Variants in CHST3 observed in about 807,000 individuals in gnomAD.
CHST3 encodes the protein C6ST-1.
In CHST3, 20 loss-of-function variants were observed where a neutral mutation model predicts 35.4. That is an observed-to-expected ratio of 0.57 (90% CI 0.40 to 0.82). The LOEUF is 0.82. Among genes scored for constraint, CHST3 ranks in the 40% least tolerant of loss-of-function variants. The pLI, the probability that CHST3 is intolerant of heterozygous loss-of-function variation, is 0.00. For missense variants in CHST3, 693 were observed against 670.1 expected, an observed-to-expected ratio of 1.03 and a Z score of -0.38; for synonymous variants, 334 against 295.9, an observed-to-expected ratio of 1.13 and a Z score of -1.32.
chr10:71,971,172 G>A (rs1202873354), intron 1 of CHST3, among the ~76,000 whole-genome samples: 1 of 152,176 alleles, frequency 6.6e-6, no homozygotes, highest in East Asian at 1.9e-4. Flanking sequence ...GGCCCTTCTC[G>A]TTCTCTGTGG....
At chr10:71,992,494 A>G (rs1839905759) in intron 1 of CHST3, among the ~76,000 whole-genome samples, 1 of 151,520 alleles carries the variant, frequency 6.6e-6, no homozygotes, top group Non-Finnish European at 1.5e-5. Flanking sequence ...AATTTCTTAA[A>G]ATAACACAAC....
At chr10:71,992,313 A>G (rs1839904050) in intron 1 of CHST3, among the ~76,000 whole-genome samples, 1 of 152,040 alleles carries the variant, frequency 6.6e-6, no homozygotes. Flanking sequence ...GAGTAGTTGG[A>G]ACCACAAGTG....
intron 1 of CHST3, among the ~76,000 whole-genome samples, chr10:71,984,638 G>A (rs374182623): frequency 1.2e-4 from 18 of 152,332 alleles, no homozygotes; most frequent in East Asian, 7.7e-4. Context: ...CCTGTGTTCC[G>A]ATCCCAGCTC....
chr10:71,972,742 C>T (rs895438570), intron 1 of CHST3, among the ~76,000 whole-genome samples: 3 of 152,222 alleles, frequency 2.0e-5, no homozygotes, highest in Admixed American at 6.5e-5. Flanking sequence ...CCAAATTGTC[C>T]TAATTTCCCA....
chr10:71,997,269 G>A (rs980009649), intron 1 of CHST3, among the ~76,000 whole-genome samples: 3 of 152,052 alleles, frequency 2.0e-5, no homozygotes, highest in Admixed American at 1.3e-4. Context: ...TGATTTTGGC[G>A]CTCTGGGTAC....
intron 1 of CHST3, among the ~76,000 whole-genome samples, chr10:71,981,053 A>G (rs368419056): frequency 6.6e-6 from 1 of 152,206 alleles, no homozygotes; most frequent in East Asian, 1.9e-4. Context: ...AGGCAATGAA[A>G]GGCGCTATTT....
At chr10:71,974,362 T>C (rs1349349466) in intron 1 of CHST3, among the ~76,000 whole-genome samples, 1 of 152,128 alleles carries the variant, frequency 6.6e-6, no homozygotes, top group East Asian at 1.9e-4. Context: ...AGAGGTTGAG[T>C]AACCTGCCTA....
At chr10:71,979,084 A>G (rs1429916580) in intron 1 of CHST3, among the ~76,000 whole-genome samples, 1 of 152,200 alleles carries the variant, frequency 6.6e-6, no homozygotes, top group African/African-American at 2.4e-5. Flanking sequence ...ATACAGCGAT[A>G]GCGCACACGT....
Position 72,007,329 on chromosome 10 carries a change from C to T in CHST3, c.298C>T (p.Gln100Ter), listed in dbSNP as rs1445552586. 1 of 1,611,008 alleles carries T rather than the reference C, an allele frequency of 6.2e-7. No individual in the cohort carries two copies. Among genetic ancestry groups the T allele is most frequent in the Non-Finnish European group, 8.5e-7 (1 of 1,178,676 alleles). The change falls in exon 3 of 3, where the codon CAG becomes TAG. Residue 100 changes from glutamine to a stop codon, truncating the protein, a stop_gained. Transcript: ENST00000373115. LOFTEE classifies it high-confidence loss of function. ...LQSRLRNLSL[Q>*]LGVEPAMEAA... is the part of the protein sequence containing the mutation. ...GAGCCGTCTCCGCAACCTCAGCTTGCAGCTGGGCGTGGAGCCAGCCATGGA... is the reference window on the plus strand; with the variant it reads ...GAGCCGTCTCCGCAACCTCAGCTTGTAGCTGGGCGTGGAGCCAGCCATGGA...
At chr10:72,007,098 G>T in intron 2 of CHST3, 74 bp from the exon 3 acceptor site, 2 of 1,537,572 alleles carry the variant, frequency 1.3e-6, no homozygotes, top group Non-Finnish European at 1.8e-6. Context: ...GATCTGCTTG[G>T]AGGACTGCTT....
intron 1 of CHST3, among the ~76,000 whole-genome samples, chr10:71,993,065 A>ATGCGTTTTCTTTGCG (rs1429071623): frequency 1.3e-5 from 2 of 152,196 alleles, no homozygotes; most frequent in African/African-American, 4.8e-5. Flanking sequence ...TTTTCTTAAA[A>ATGCGTTTTCTTTGCG]TATTATGAGA....
chr10:71,989,206 A>G, intron 1 of CHST3, among the ~76,000 whole-genome samples: 1 of 152,112 alleles, frequency 6.6e-6, no homozygotes, highest in East Asian at 1.9e-4. Flanking sequence ...GAAGGAGAAA[A>G]TAATTTGCCA....
At chr10:71,981,071 G>T (rs2131745608) in intron 1 of CHST3, among the ~76,000 whole-genome samples, 1 of 152,292 alleles carries the variant, frequency 6.6e-6, no homozygotes, top group South Asian at 2.1e-4. Flanking sequence ...TTTAGCATGT[G>T]GGTTTCAACT....
Position 72,009,538 on chromosome 10 carries a change from C to T in CHST3, c.*1067C>T, listed in dbSNP as rs906007154. ...CTGGCAGGCAGAAGCAGCTGTGGTC[C>T]CTGGAGGCAAAAGGCAGCTCACGGG... is the stretch of plus-strand genomic sequence containing the variant. On this transcript the variant is annotated 3_prime_UTR_variant, in exon 3 of 3. Transcript: ENST00000373115. 2 of 152,264 alleles carry T rather than the reference C, an allele frequency of 1.3e-5. No homozygotes were observed. The highest frequency in any genetic ancestry group is 4.8e-5 in the African/African-American group (2 of 41,446). 9.4% of individuals were successfully genotyped at this position (152,264 alleles called of 1,614,324 possible).
chr10:71,993,903 C>A (rs981952078), intron 1 of CHST3, among the ~76,000 whole-genome samples: 1 of 152,124 alleles, frequency 6.6e-6, no homozygotes, highest in African/African-American at 2.4e-5. Flanking sequence ...AGTTCAAGAC[C>A]AGCCTGGCCA....
chr10:72,006,387 T>G (rs1371026367), intron 2 of CHST3, among the ~76,000 whole-genome samples: 1 of 152,258 alleles, frequency 6.6e-6, no homozygotes, highest in Non-Finnish European at 1.5e-5. Context: ...ATTTGCTGGC[T>G]GTGACTATTA....
In CHST3 at chr10:71,981,318, A is replaced by G. The variant is rs542431265; in HGVS notation, c.-108+16624A>G. On this transcript the variant is annotated intron_variant, in intron 1 of 2. Coordinates refer to ENST00000373115, the MANE Select transcript of CHST3 (RefSeq NM_004273.5). ...TTCTGCTCTCCAACCAGGGACTGTCAGCCCCCACCCCTAAGCCTCCTCCTC... is the reference window on the plus strand; with the variant it reads ...TTCTGCTCTCCAACCAGGGACTGTCGGCCCCCACCCCTAAGCCTCCTCCTC... 2.0e-5 allele frequency among the ~76,000 whole-genome samples: 3 copies of G among 152,326 alleles called. No homozygotes were observed. The South Asian group carries it at 6.2e-4, about 32-fold the overall frequency.
intron 1 of CHST3, among the ~76,000 whole-genome samples, chr10:71,972,261 C>T (rs1839702737): frequency 6.6e-6 from 1 of 152,194 alleles, no homozygotes; most frequent in Non-Finnish European, 1.5e-5. Context: ...GCTCTCAGTA[C>T]CACCTGTGCG....
chr10:71,987,364 C>T (rs1839858301), intron 1 of CHST3, among the ~76,000 whole-genome samples: 1 of 151,976 alleles, frequency 6.6e-6, no homozygotes, highest in South Asian at 2.1e-4. Context: ...GTCAATGGGA[C>T]CATTAAGTGG....
Sources: allele counts gnomAD v4.1 joint callset (sites outside exome capture counted in the v4.1 genomes callset), GRCh38; gene constraint gnomAD v4.1.1; transcripts MANE v1.5; gene names NCBI Gene and HGNC (gene_info 2026-07-23, HGNC 2026-07-21).